The following LRBA variants were observed in gnomAD, a reference collection of about 807,000 sequenced individuals.
LRBA encodes the protein LPS responsive beige-like anchor protein.
Under a neutral mutation model 330.0 loss-of-function variants are expected in LRBA, and 176 were observed. The observed-to-expected ratio is 0.53, with a 90% CI of 0.47 to 0.60. The LOEUF (loss-of-function observed/expected upper bound fraction) is 0.60, where lower values mean the gene tolerates loss of function less well. Ranked by LOEUF, LRBA falls within the 20% of genes least tolerant of loss-of-function variation. LRBA has a pLI of 0.00. For missense variants in LRBA, 3,259 were observed against 3,444.8 expected, an observed-to-expected ratio of 0.95 and a Z score of 1.35; for synonymous variants, 1,230 against 1,193.0, an observed-to-expected ratio of 1.03 and a Z score of -0.64.
chr4:150,541,856 A>T lies in LRBA; in HGVS notation c.6330+46192T>A, dbSNP rs545798656. ...ATCACACCTGGCTAATTTAAAAAAAATTTTTTTTTGTAGAGGCAGTGTCTC... is the reference window on the plus strand; with the variant it reads ...ATCACACCTGGCTAATTTAAAAAAATTTTTTTTTTGTAGAGGCAGTGTCTC... On this transcript the variant is annotated intron_variant, in intron 40 of 56. Coordinates refer to ENST00000651943, the MANE Select transcript of LRBA (RefSeq NM_001364905.1). 7.2e-3 allele frequency among the ~76,000 whole-genome samples: 1,090 copies of T among 151,288 alleles called. 5 individuals carry two copies. Among genetic ancestry groups the T allele is most frequent in the Middle Eastern group, 0.014 (4 of 292 alleles).
chr4:150,361,921 G>A (rs1738754704), intron 47 of LRBA, among the ~76,000 whole-genome samples: 1 of 151,850 alleles, frequency 6.6e-6, no homozygotes, highest in Non-Finnish European at 1.5e-5. Flanking sequence ...ATAGGCACCC[G>A]CCACCACGCC....
At chr4:150,625,622 G>T (rs774178639) in intron 37 of LRBA, among the ~76,000 whole-genome samples, 1 of 151,368 alleles carries the variant, frequency 6.6e-6, no homozygotes, top group Admixed American at 6.6e-5. Flanking sequence ...AGATTTACCT[G>T]GGAAGCTTTA....
intron 48 of LRBA, among the ~76,000 whole-genome samples, chr4:150,334,683 C>T (rs1734407702): frequency 6.6e-6 from 1 of 151,120 alleles, no homozygotes; most frequent in Non-Finnish European, 1.5e-5. Flanking sequence ...ATTTTTATAC[C>T]AATTGATATC....
chr4:150,281,899 G>T (rs1368057483), intron 55 of LRBA, among the ~76,000 whole-genome samples: 1 of 152,216 alleles, frequency 6.6e-6, no homozygotes, highest in Non-Finnish European at 1.5e-5. Flanking sequence ...ATTTCGGGTA[G>T]ACCCAGTGGG....
At chr4:150,471,493 A>G in intron 43 of LRBA, 131 bp downstream of exon 43, 1 of 582,278 alleles carries the variant, frequency 1.7e-6, no homozygotes. Flanking sequence ...TTCTCTTTGT[A>G]TATCCTTTGT....
chr4:150,885,728 C>A (rs935141993), intron 17 of LRBA, among the ~76,000 whole-genome samples: 4 of 151,948 alleles, frequency 2.6e-5, no homozygotes, highest in African/African-American at 9.7e-5. Context: ...TGATGACATA[C>A]AGAGCAACAA....
intron 4 of LRBA, among the ~76,000 whole-genome samples, chr4:150,926,028 C>G (rs1010001671): frequency 1.1e-4 from 17 of 152,034 alleles, no homozygotes; most frequent in Admixed American, 5.2e-4. Context: ...CACAGGGAAA[C>G]CAAACAGAAC....
chr4:150,996,416 G>C (rs941269024), intron 2 of LRBA, among the ~76,000 whole-genome samples: 11 of 152,020 alleles, frequency 7.2e-5, no homozygotes, highest in African/African-American at 2.7e-4. Context: ...AGTAATACAG[G>C]TTAAGAATAA....
intron 35 of LRBA, among the ~76,000 whole-genome samples, chr4:150,737,403 T>G (rs1482561018): frequency 1.3e-5 from 2 of 152,012 alleles, no homozygotes; most frequent in Non-Finnish European, 1.5e-5. Flanking sequence ...GAGCTTGCAG[T>G]GAGCCCAGAT....
intron 44 of LRBA, among the ~76,000 whole-genome samples, chr4:150,448,237 GACAAA>G: frequency 6.6e-6 from 1 of 152,196 alleles, no homozygotes; most frequent in Admixed American, 6.5e-5. Context: ...GACCTCACTA[GACAAA>G]GTCGTGGCAA....
intron 2 of LRBA, among the ~76,000 whole-genome samples, chr4:151,001,614 G>A (rs900263078): frequency 6.6e-6 from 1 of 152,014 alleles, no homozygotes; most frequent in African/African-American, 2.4e-5. Flanking sequence ...GAGACTGGCA[G>A]GCCTAGACCA....
chr4:150,380,003 T>TAAAA (rs371691815), intron 47 of LRBA, among the ~76,000 whole-genome samples: 7 of 115,224 alleles, frequency 6.1e-5, no homozygotes, highest in South Asian at 2.8e-4. Context: ...TTTCTACTAC[T>TAAAA]AAAAAAAAAA....
intron 47 of LRBA, among the ~76,000 whole-genome samples, chr4:150,367,819 G>A (rs1410291266): frequency 2.6e-5 from 4 of 152,036 alleles, no homozygotes; most frequent in African/African-American, 9.7e-5. Flanking sequence ...GAATGTTTTA[G>A]CTAATTCGTT....
chr4:150,995,792 T>A (rs1221090171), intron 2 of LRBA, among the ~76,000 whole-genome samples: 5 of 152,072 alleles, frequency 3.3e-5, no homozygotes, highest in Admixed American at 3.3e-4. Context: ...ATAAATATTA[T>A]TTATTATCCC....
intron 20 of LRBA, among the ~76,000 whole-genome samples, chr4:150,870,042 T>TA (rs1753242239): frequency 6.6e-6 from 1 of 152,138 alleles, no homozygotes; most frequent in Non-Finnish European, 1.5e-5. Flanking sequence ...AACATGATCT[T>TA]AAAAAGCAAG....
At chr4:150,648,654 C>T (rs533045236) in intron 37 of LRBA, among the ~76,000 whole-genome samples, 1 of 152,024 alleles carries the variant, frequency 6.6e-6, no homozygotes, top group South Asian at 2.1e-4. Context: ...AGTCTCTTTC[C>T]CATGAGATTG....
At chr4:150,594,293 A>G (rs887925681) in intron 38 of LRBA, among the ~76,000 whole-genome samples, 9 of 152,070 alleles carry the variant, frequency 5.9e-5, no homozygotes, top group Non-Finnish European at 1.0e-4. Context: ...GTGGTCTAAT[A>G]GCTTTCTGCT....
At chr4:150,540,520 G>GCT (rs1445210522) in intron 40 of LRBA, among the ~76,000 whole-genome samples, 2 of 152,248 alleles carry the variant, frequency 1.3e-5, no homozygotes, top group East Asian at 3.9e-4. Context: ...CAATAAAAAT[G>GCT]AAGATTTTAA....
At chr4:150,325,958 CCAACTGT>C in intron 48 of LRBA, 60 bp from the exon 49 acceptor site, 1 of 859,964 alleles carries the variant, frequency 1.2e-6, no homozygotes, top group Non-Finnish European at 2.0e-6. Flanking sequence ...AAATAGAACC[CCAACTGT>C]CACCTGAAAA....
Sources: gnomAD v4.1 joint callset for allele counts (sites outside exome capture counted in the v4.1 genomes callset) on GRCh38, gnomAD v4.1.1 for gene constraint, MANE v1.5 for transcripts, NCBI Gene and HGNC (gene_info 2026-07-23, HGNC 2026-07-21) for gene names.